Variants in ITPRID1 observed in about 807,000 individuals in gnomAD.
The protein encoded by ITPRID1 is protein ITPRID1.
ITPRID1 carries 96 observed loss-of-function variants against 95.4 expected under a neutral mutation model. The observed-to-expected ratio is 1.01, with a 90% CI of 0.85 to 1.19. ITPRID1 has a LOEUF of 1.19. ITPRID1 is among the 50% of genes most tolerant of loss of function. ITPRID1 has a pLI of 0.00. For missense variants in ITPRID1, 1,339 were observed against 1,252.9 expected (o/e 1.07, Z -1.04); for synonymous variants, 510 against 453.6 (o/e 1.12, Z -1.58).
At chr7:31,617,893 A>G (rs1787419047) in intron 10 of ITPRID1, among the ~76,000 whole-genome samples, 1 of 152,218 alleles carries the variant, frequency 6.6e-6, no homozygotes, top group Non-Finnish European at 1.5e-5. Flanking sequence ...AACGCTACAA[A>G]TCACTGCAGG....
chr7:31,620,250 G>C (rs1309995498), intron 10 of ITPRID1, among the ~76,000 whole-genome samples: 3 of 152,124 alleles, frequency 2.0e-5, no homozygotes, highest in Non-Finnish European at 4.4e-5. Context: ...GCTTTGAAGA[G>C]AGCAGTGGTT....
At chr7:31,594,446 C>T (rs145505298) in intron 10 of ITPRID1, among the ~76,000 whole-genome samples, 52 of 152,204 alleles carry the variant, frequency 3.4e-4, no homozygotes, top group African/African-American at 8.9e-4. Flanking sequence ...AAAACTGATA[C>T]GTTTTAAATT....
In ITPRID1 at chr7:31,641,747, T is replaced by C. The variant is rs574379342; in HGVS notation, c.1229-429T>C. ...TAGTCCAGCTGAAGCTAGCAAAGGG[T>C]ACTTATCCAAACTTTAGTAAAAAGA... On this transcript the variant is annotated intron_variant, in intron 10 of 14. Transcript: ENST00000615280. 2.1e-4 allele frequency among the ~76,000 whole-genome samples: 32 copies of C among 152,290 alleles called. 1 individual carries two copies. The highest frequency in any genetic ancestry group is 1.8e-3 in the Admixed American group (27 of 15,300).
chr7:31,582,162 T>C (rs568762145), intron 9 of ITPRID1, among the ~76,000 whole-genome samples: 15 of 152,316 alleles, frequency 9.8e-5, no homozygotes, highest in African/African-American at 3.4e-4. Flanking sequence ...TATTTCTAAT[T>C]GCAAAATTTA....
At chr7:31,564,050 G>C (rs183938848) in intron 5 of ITPRID1, among the ~76,000 whole-genome samples, 37 of 152,270 alleles carry the variant, frequency 2.4e-4, no homozygotes, top group Non-Finnish European at 4.3e-4. Flanking sequence ...TAGTCTATTG[G>C]ACGATATTCC....
intron 12 of ITPRID1, among the ~76,000 whole-genome samples, chr7:31,648,864 C>G (rs1583742562): frequency 1.3e-5 from 2 of 152,290 alleles, no homozygotes; most frequent in South Asian, 4.1e-4. Context: ...AGAAATGAAA[C>G]AAGAGATGGG....
chr7:31,651,107 G>C, intron 12 of ITPRID1, 35 bp from the exon 13 acceptor site: 1 of 1,602,130 alleles, frequency 6.2e-7, no homozygotes, highest in Non-Finnish European at 8.5e-7. Context: ...GGATCAGAGA[G>C]GACTTTCTTC....
In ITPRID1 at chr7:31,609,351, T is replaced by C. The variant is rs149183201; in HGVS notation, c.1228+26160T>C. Among the ~76,000 whole-genome samples, 444 of 151,788 alleles carry C rather than the reference T, an allele frequency of 2.9e-3. 3 individuals carry two copies. The highest frequency in any genetic ancestry group is 0.02 in the South Asian group (95 of 4,830). ...AAGTTGGGATGTGTCCTCTCTCTTATATCTTTTGGAAGAGTTTGTGAAATA... is the reference window on the plus strand; with the variant it reads ...AAGTTGGGATGTGTCCTCTCTCTTACATCTTTTGGAAGAGTTTGTGAAATA... On this transcript the variant is annotated intron_variant, in intron 10 of 14. Coordinates refer to ENST00000615280, the MANE Select transcript of ITPRID1 (RefSeq NM_001257967.3).
intron 1 of ITPRID1, among the ~76,000 whole-genome samples, chr7:31,534,868 A>T (rs1412135179): frequency 6.6e-6 from 1 of 152,032 alleles, no homozygotes; most frequent in Non-Finnish European, 1.5e-5. Flanking sequence ...GAGGTAGTTG[A>T]ATTACATAAT....
intron 1 of ITPRID1, among the ~76,000 whole-genome samples, chr7:31,547,413 G>A (rs1002965283): frequency 2.0e-5 from 3 of 152,180 alleles, no homozygotes. Flanking sequence ...AAGGAAACAC[G>A]TCCTTCTTCC....
intron 1 of ITPRID1, among the ~76,000 whole-genome samples, chr7:31,533,771 T>A (rs1196566899): frequency 6.6e-6 from 1 of 152,342 alleles, no homozygotes; most frequent in Non-Finnish European, 1.5e-5. Context: ...GAGCATTTTT[T>A]AGGTACATTA....
intron 12 of ITPRID1, among the ~76,000 whole-genome samples, chr7:31,648,214 C>G (rs1183738856): frequency 6.6e-6 from 1 of 151,984 alleles, no homozygotes; most frequent in African/African-American, 2.4e-5. Flanking sequence ...AATTCATTGT[C>G]TTTTGGTGAT....
chr7:31,520,925 C>T (rs1783229250), intron 1 of ITPRID1, among the ~76,000 whole-genome samples: 1 of 151,732 alleles, frequency 6.6e-6, no homozygotes, highest in African/African-American at 2.4e-5. Flanking sequence ...TGTAGATTTC[C>T]ACAACTGTAA....
chr7:31,578,673 C>T (rs777016710), intron 9 of ITPRID1, among the ~76,000 whole-genome samples: 3 of 152,130 alleles, frequency 2.0e-5, no homozygotes, highest in Non-Finnish European at 4.4e-5. Context: ...CAGTTGAATC[C>T]GTGGGTCATT....
chr7:31,600,885 CT>C (rs771177474), intron 10 of ITPRID1, among the ~76,000 whole-genome samples: 17 of 152,166 alleles, frequency 1.1e-4, no homozygotes, highest in Admixed American at 2.6e-4. Flanking sequence ...GAAATGGCCT[CT>C]CCCTGGGGTT....
At chr7:31,621,257 T>A (rs1281915793) in intron 10 of ITPRID1, among the ~76,000 whole-genome samples, 2 of 149,172 alleles carry the variant, frequency 1.3e-5, no homozygotes, top group African/African-American at 5.0e-5. Context: ...ATGCAGAGAA[T>A]GCCACAAAGA....
intron 12 of ITPRID1, among the ~76,000 whole-genome samples, chr7:31,645,561 T>C (rs1790388102): frequency 1.3e-5 from 2 of 152,086 alleles, no homozygotes; most frequent in Non-Finnish European, 2.9e-5. Context: ...GTTCAAATCC[T>C]GGGTAACAGT....
At chr7:31,628,967 G>A (rs1057127010) in intron 10 of ITPRID1, among the ~76,000 whole-genome samples, 4 of 152,024 alleles carry the variant, frequency 2.6e-5, no homozygotes, top group African/African-American at 9.7e-5. Context: ...CATTTGGACT[G>A]GTTATCACTA....
At chr7:31,515,335 C>T (rs979621422) in intron 1 of ITPRID1, among the ~76,000 whole-genome samples, 2 of 151,200 alleles carry the variant, frequency 1.3e-5, no homozygotes, top group Non-Finnish European at 2.9e-5. Context: ...TATGTCCATG[C>T]AATGGACTAG....
Sources: allele counts gnomAD v4.1 joint callset (sites outside exome capture counted in the v4.1 genomes callset), GRCh38; gene constraint gnomAD v4.1.1; transcripts MANE v1.5; gene names NCBI Gene and HGNC (gene_info 2026-07-23, HGNC 2026-07-21).